GPC3: variants seen among roughly 807,000 people sequenced by gnomAD.
GPC3 encodes the protein glypican-3.
GPC3 carries 3 observed loss-of-function variants against 34.4 expected under a neutral mutation model. The observed-to-expected ratio is 0.09, with a 90% confidence interval of 0.04 to 0.23. The LOEUF is 0.23. Ranked by LOEUF, GPC3 falls within the 10% of genes least tolerant of loss-of-function variation. The pLI, the probability that GPC3 is intolerant of heterozygous loss-of-function variation, is 1.00. For synonymous variants in GPC3, 177 were observed against 174.0 expected, an observed-to-expected ratio of 1.02 and a Z score of -0.13; for missense variants, 351 against 445.6, an observed-to-expected ratio of 0.79 and a Z score of 1.91.
intron 2 of GPC3, among the ~76,000 whole-genome samples, chrX:133,783,995 C>A (rs1305586809): frequency 9.0e-6 from 1 of 111,679 alleles, no homozygotes; most frequent in Non-Finnish European, 1.9e-5. Flanking sequence ...CAGAGCAACT[C>A]TTTAGTAACG....
At chrX:133,571,558 T>C (rs2069632325) in intron 7 of GPC3, among the ~76,000 whole-genome samples, 1 of 111,565 alleles carries the variant, frequency 9.0e-6, no homozygotes, top group African/African-American at 3.3e-5. Flanking sequence ...CTAATCTGAT[T>C]AGGTTACCAA....
At chrX:133,676,030 C>A (rs2070881167) in intron 5 of GPC3, among the ~76,000 whole-genome samples, 1 of 112,319 alleles carries the variant, frequency 8.9e-6, no homozygotes, top group African/African-American at 3.2e-5. Context: ...TGGATTCCCA[C>A]TGCAAACCGG....
intron 2 of GPC3, among the ~76,000 whole-genome samples, chrX:133,864,122 A>T (rs1302360237): frequency 4.5e-5 from 5 of 111,395 alleles, no homozygotes; most frequent in Non-Finnish European, 9.4e-5. Context: ...ATTTTCTGGA[A>T]AGGGTGCAGT....
chrX:133,681,850 G>A (rs1288449613), intron 5 of GPC3, among the ~76,000 whole-genome samples: 1 of 111,882 alleles, frequency 8.9e-6, no homozygotes, highest in African/African-American at 3.2e-5. Flanking sequence ...TGTTTCAGGC[G>A]GGTGTTACTG....
At chrX:133,880,023 C>G (rs1193148014) in intron 2 of GPC3, among the ~76,000 whole-genome samples, 1 of 111,345 alleles carries the variant, frequency 9.0e-6, no homozygotes, top group Non-Finnish European at 1.9e-5. Flanking sequence ...GGAGACAGCA[C>G]TGTAAAAGGA....
intron 5 of GPC3, among the ~76,000 whole-genome samples, chrX:133,690,477 C>A (rs763160749): frequency 9.0e-6 from 1 of 111,116 alleles, no homozygotes; most frequent in Non-Finnish European, 1.9e-5. Context: ...AACTGAGAGG[C>A]AAATCCAAAT....
At chrX:133,617,941 T>C (rs1442013243) in intron 6 of GPC3, among the ~76,000 whole-genome samples, 1 of 111,780 alleles carries the variant, frequency 8.9e-6, no homozygotes, top group Non-Finnish European at 1.9e-5. Flanking sequence ...TTTAAAATGA[T>C]TTCATTTATG....
At chrX:133,856,522 GCT>G (rs201548123) in intron 2 of GPC3, among the ~76,000 whole-genome samples, 1,706 of 110,805 alleles carry the variant, frequency 0.015, 35 homozygotes, top group African/African-American at 0.052. Context: ...TGATTTTACT[GCT>G]CTTTTTAATA....
At chrX:133,665,240 G>A (rs771746209) in intron 5 of GPC3, among the ~76,000 whole-genome samples, 2 of 111,771 alleles carry the variant, frequency 1.8e-5, no homozygotes, top group East Asian at 5.6e-4. Context: ...CCATATTTTT[G>A]TACAGCACTT....
intron 7 of GPC3, among the ~76,000 whole-genome samples, chrX:133,552,460 G>A (rs1458270546): frequency 8.9e-6 from 1 of 111,739 alleles, no homozygotes; most frequent in African/African-American, 3.3e-5. Context: ...AGACATAATT[G>A]TAGGGAAATA....
intron 2 of GPC3, among the ~76,000 whole-genome samples, chrX:133,881,263 CAG>C (rs1383728743): frequency 9.0e-6 from 1 of 111,700 alleles, no homozygotes; most frequent in Non-Finnish European, 1.9e-5. Flanking sequence ...TCTAGAGACA[CAG>C]ACAGACATGG....
At chrX:133,666,750 T>C (rs2070772082) in intron 5 of GPC3, among the ~76,000 whole-genome samples, 1 of 112,162 alleles carries the variant, frequency 8.9e-6, no homozygotes, top group Admixed American at 9.5e-5. Flanking sequence ...TGGAATCAAG[T>C]ACGAGATACA....
intron 2 of GPC3, among the ~76,000 whole-genome samples, chrX:133,842,138 G>A (rs2075827684): frequency 9.0e-6 from 1 of 110,672 alleles, no homozygotes. Flanking sequence ...ACAACATGGT[G>A]AAAACCCATT....
intron 3 of GPC3, among the ~76,000 whole-genome samples, chrX:133,729,067 T>C (rs1180892574): frequency 2.7e-5 from 3 of 111,190 alleles, no homozygotes; most frequent in Admixed American, 1.9e-4. Flanking sequence ...CTCCCATATA[T>C]GCAGGTGGCT....
chrX:133,540,554 C>T (rs190900509), intron 7 of GPC3, among the ~76,000 whole-genome samples: 80 of 110,940 alleles, frequency 7.2e-4, no homozygotes, highest in Admixed American at 1.2e-3. Context: ...ACTCAGGGGA[C>T]AGAGTGGGAG....
At position 133,814,050 on chromosome X, in the gene GPC3, A is replaced by G. The variant is rs746596820; in HGVS notation, c.338-59874T>C. ...GTCGAAGAAACATCTGCAGAATGGCATCTTGCAGGCTATTAGGGAAAATAG... is the reference window on the plus strand; with the variant it reads ...GTCGAAGAAACATCTGCAGAATGGCGTCTTGCAGGCTATTAGGGAAAATAG... On this transcript the variant is annotated intron_variant, in intron 2 of 7. Coordinates refer to ENST00000370818, the MANE Select transcript of GPC3 (RefSeq NM_004484.4). Among the ~76,000 whole-genome samples the G allele has an allele frequency of 3.6e-5, 4 of 112,112 alleles. No individual in the cohort carries two copies. In the South Asian group the frequency reaches 1.5e-3, roughly 43 times the overall value.
intron 2 of GPC3, among the ~76,000 whole-genome samples, chrX:133,916,144 CAAA>C (rs774691093): frequency 7.7e-4 from 24 of 31,142 alleles, no homozygotes; most frequent in African/African-American, 2.7e-3. Context: ...GACTCTGTCT[CAAA>C]AAAAAAAAAA....
At chrX:133,674,455 C>T (rs1234904319) in intron 5 of GPC3, among the ~76,000 whole-genome samples, 2 of 111,083 alleles carry the variant, frequency 1.8e-5, no homozygotes, top group Non-Finnish European at 3.8e-5. Flanking sequence ...TCTTTGCCAT[C>T]GCGATTGAGC....
intron 3 of GPC3, among the ~76,000 whole-genome samples, chrX:133,722,221 T>G (rs765997844): frequency 3.6e-5 from 4 of 111,941 alleles, no homozygotes; most frequent in Non-Finnish European, 7.5e-5. Flanking sequence ...TGTCTGTTCC[T>G]ATTTATCATA....
Sources: allele counts gnomAD v4.1 joint callset (sites outside exome capture counted in the v4.1 genomes callset), GRCh38; gene constraint gnomAD v4.1.1; transcripts MANE v1.5; gene names NCBI Gene and HGNC (gene_info 2026-07-23, HGNC 2026-07-21).